TEKT5: variants seen among roughly 807,000 people sequenced by gnomAD.
TEKT5 encodes the protein tektin 5.
A neutral mutation model predicts 48.7 loss-of-function variants in TEKT5; 52 were observed. The observed-to-expected ratio is 1.07, with a 90% CI of 0.86 to 1.35. The LOEUF (loss-of-function observed/expected upper bound fraction) is 1.35. TEKT5 is among the 40% of genes most tolerant of loss of function. TEKT5 has a pLI of 0.00. For synonymous variants in TEKT5, 318 were observed against 267.6 expected, an observed-to-expected ratio of 1.19 and a Z score of -1.84; for missense variants, 831 against 641.6, an observed-to-expected ratio of 1.30 and a Z score of -3.19.
At chr16:10,692,026 G>A (rs1010213771) in intron 1 of TEKT5, among the ~76,000 whole-genome samples, 1 of 152,088 alleles carries the variant, frequency 6.6e-6, no homozygotes, top group African/African-American at 2.4e-5. Flanking sequence ...CAATGGATTG[G>A]AAGGGAGCAG....
At chr16:10,666,381 C>A (rs947043223) in intron 5 of TEKT5, among the ~76,000 whole-genome samples, 5 of 152,188 alleles carry the variant, frequency 3.3e-5, no homozygotes, top group Non-Finnish European at 7.3e-5. Flanking sequence ...TTCTCAGCCT[C>A]AGCACTACTG....
At chr16:10,685,348 G>C (rs932506983) in intron 3 of TEKT5, among the ~76,000 whole-genome samples, 1 of 152,042 alleles carries the variant, frequency 6.6e-6, no homozygotes, top group Non-Finnish European at 1.5e-5. Context: ...GGCCCGGACT[G>C]GAGTGCAGTG....
chr16:10,683,847 C>T (rs1441993389), intron 3 of TEKT5, among the ~76,000 whole-genome samples: 2 of 152,242 alleles, frequency 1.3e-5, no homozygotes, highest in African/African-American at 4.8e-5. Flanking sequence ...CCTGCCTTGG[C>T]TTCCCAAAGT....
chr16:10,645,355 C>CA (rs1168251281), intron 5 of TEKT5, among the ~76,000 whole-genome samples: 9 of 151,588 alleles, frequency 5.9e-5, no homozygotes, highest in Middle Eastern at 3.4e-3. Context: ...ACAAAAAATA[C>CA]AAAAAAATTA....
At chr16:10,630,744 C>T (rs1487501056) in intron 6 of TEKT5, among the ~76,000 whole-genome samples, 2 of 152,160 alleles carry the variant, frequency 1.3e-5, no homozygotes, top group East Asian at 1.9e-4. Context: ...TTTGGCTAGG[C>T]GTGGTGACTC....
In TEKT5 at chr16:10,652,868, CA is replaced by C. The variant is rs1567228475; in HGVS notation, c.1087-16951del. Among the ~76,000 whole-genome samples, 24 of 58,456 alleles carry C rather than the reference CA, an allele frequency of 4.1e-4. 1 individual carries two copies. The highest frequency in any genetic ancestry group is 2.2e-3 in the African/African-American group (10 of 4,516). 38.3% of individuals were successfully genotyped at this position (58,456 alleles called of 152,430 possible). ...ACACACACACACACACACACACACACACCCTCCAGGTCAGGTAGAGCGATCC... is the reference window on the plus strand; with the variant it reads ...ACACACACACACACACACACACACACCCCTCCAGGTCAGGTAGAGCGATCC... On this transcript the variant is annotated intron_variant, in intron 5 of 6. Transcript: ENST00000283025.
intron 5 of TEKT5, among the ~76,000 whole-genome samples, chr16:10,659,793 GGTGAATGGGGAAA>G (rs1328593092): frequency 6.6e-6 from 1 of 152,192 alleles, no homozygotes; most frequent in East Asian, 1.9e-4. Context: ...AAAGGTGAAA[GGTGAATGGGGAAA>G]GTTTGGGGAG....
rs747954724 is a variant in TEKT5, at chr16:10,694,495, C to T, written c.379G>A (p.Asp127Asn). 6.2e-7 allele frequency: 1 copy of T among 1,613,356 alleles called. No homozygotes were observed. The highest frequency in any genetic ancestry group is 8.5e-7 in the Non-Finnish European group (1 of 1,179,658). Residue 127 changes from aspartate (D) to asparagine (N), a missense_variant, in exon 1 of 7, where the codon GAC becomes AAC. Asp to Asn is a conservative substitution (Grantham distance 23, BLOSUM62 1). Transcript: ENST00000283025. ...TCCTGCATCTGGTGCGTCAGCTGGT[C>T]CTTGTCCTGCAAGAGCCTCATGGAG... Reference protein sequence around the residue: ...DDSMRLLQDKDQLTHQMQEGT... With the variant: ...DDSMRLLQDKNQLTHQMQEGT...
intron 5 of TEKT5, among the ~76,000 whole-genome samples, chr16:10,657,120 T>A (rs542576122): frequency 8.6e-6 from 1 of 116,764 alleles, no homozygotes; most frequent in African/African-American, 5.3e-5. Context: ...TAGGTCTGCC[T>A]TTTTTTTTTT....
chr16:10,682,808 G>A (rs1007342592), intron 3 of TEKT5, among the ~76,000 whole-genome samples: 5 of 152,196 alleles, frequency 3.3e-5, no homozygotes, highest in Admixed American at 6.5e-5. Flanking sequence ...TACAAAAACA[G>A]ATGGCGGGCC....
chr16:10,660,508 C>A (rs1467552085), intron 5 of TEKT5, among the ~76,000 whole-genome samples: 1 of 152,156 alleles, frequency 6.6e-6, no homozygotes. Context: ...CTCAGAACCC[C>A]TGACTGCTCT....
intron 3 of TEKT5, among the ~76,000 whole-genome samples, chr16:10,683,029 G>A (rs1410783070): frequency 1.3e-5 from 2 of 152,152 alleles, no homozygotes; most frequent in Non-Finnish European, 2.9e-5. Context: ...TAAAATATAT[G>A]TATATATGTA....
At chr16:10,629,838 G>A (rs60292766) in intron 6 of TEKT5, among the ~76,000 whole-genome samples, 17,564 of 152,230 alleles carry the variant, frequency 0.12, 1,202 homozygotes, top group East Asian at 0.21. Flanking sequence ...AAGGTCTGGC[G>A]CCCCTTGCAG....
In TEKT5 at chr16:10,627,737, T is replaced by C. The variant is rs149799724; in HGVS notation, c.1304A>G (p.Glu435Gly). Residue 435 changes from glutamate (E) to glycine (G), a missense_variant, in exon 7 of 7, where the codon GAG becomes GGG. Physicochemically the swap from Glu to Gly is moderately conservative, Grantham distance 98. Transcript: ENST00000283025. ...TLQTLKLRLR[E>G]TQDTLQLLVM... ...CAGCAGCTGCAGCGTGTCCTGTGTCTCCCGCAGCCGCAGCTTGAGGGTCTG... is the reference window on the plus strand; with the variant it reads ...CAGCAGCTGCAGCGTGTCCTGTGTCCCCCGCAGCCGCAGCTTGAGGGTCTG... The C allele has an allele frequency of 8.2e-4, 1,326 of 1,614,012 alleles. 3 individuals are homozygous for C. Among genetic ancestry groups the C allele is most frequent in the Non-Finnish European group, 1.0e-3 (1,230 of 1,180,030 alleles).
chr16:10,651,069 G>A (rs917502337), intron 5 of TEKT5, among the ~76,000 whole-genome samples: 1 of 152,164 alleles, frequency 6.6e-6, no homozygotes, highest in Non-Finnish European at 1.5e-5. Flanking sequence ...GAAGCTTCAT[G>A]CTGAGGAGGA....
intron 5 of TEKT5, among the ~76,000 whole-genome samples, chr16:10,636,811 C>CATTATT (rs143109867): frequency 1.4e-5 from 2 of 147,166 alleles, no homozygotes; most frequent in Admixed American, 6.8e-5. Context: ...ATGTATTTTC[C>CATTATT]ATTATTATTA....
intron 5 of TEKT5, among the ~76,000 whole-genome samples, chr16:10,646,828 G>GC (rs1263439001): frequency 1.3e-5 from 2 of 152,152 alleles, no homozygotes; most frequent in Non-Finnish European, 2.9e-5. Context: ...CAGCAACTCA[G>GC]CCCACACGCT....
Position 10,675,627 on chromosome 16 carries a change from T to A in TEKT5, c.1086+332A>T, listed in dbSNP as rs576941130. On this transcript the variant is annotated intron_variant, in intron 5 of 6. Coordinates refer to ENST00000283025, the MANE Select transcript of TEKT5 (RefSeq NM_144674.2). ...AGATGTGCAGAAGTGGCAGAGACTA[T>A]GGTGTGCCGGGCTCCGTTCTCTGCA... Among the ~76,000 whole-genome samples, 61 of 152,276 alleles carry A rather than the reference T, an allele frequency of 4.0e-4. 1 individual carries two copies. The highest frequency in any genetic ancestry group is 9.1e-4 in the African/African-American group (38 of 41,552).
intron 6 of TEKT5, among the ~76,000 whole-genome samples, chr16:10,633,602 G>A (rs1181722597): frequency 6.6e-6 from 1 of 152,148 alleles, no homozygotes; most frequent in South Asian, 2.1e-4. Context: ...GAGTGCAATG[G>A]CGCAATCATA....
Sources: gnomAD v4.1 joint callset for allele counts (sites outside exome capture counted in the v4.1 genomes callset) on GRCh38, gnomAD v4.1.1 for gene constraint, MANE v1.5 for transcripts, NCBI Gene and HGNC (gene_info 2026-07-23, HGNC 2026-07-21) for gene names.